Variants in NRXN1 observed in about 807,000 individuals in gnomAD.
NRXN1 encodes neurexin-1.
A neutral mutation model predicts 150.9 loss-of-function variants in NRXN1; 39 were observed. That is an observed-to-expected ratio of 0.26 (90% CI 0.20 to 0.34). The LOEUF (loss-of-function observed/expected upper bound fraction) is 0.34. Ranked by LOEUF, NRXN1 falls within the 10% of genes least tolerant of loss-of-function variation. The pLI is 1.00. For missense variants in NRXN1, 1,815 were observed against 1,949.9 expected (o/e 0.93, Z 1.30); for synonymous variants, 924 against 757.0 (o/e 1.22, Z -3.62).
At chr2:51,006,203 A>G (rs1318658447) in intron 2 of NRXN1, among the ~76,000 whole-genome samples, 1 of 151,590 alleles carries the variant, frequency 6.6e-6, no homozygotes. Context: ...TTTAAGACCT[A>G]CCTATGCAGC....
intron 8 of NRXN1, among the ~76,000 whole-genome samples, chr2:50,617,225 G>A (rs1679204245): frequency 6.6e-6 from 1 of 152,088 alleles, no homozygotes; most frequent in Non-Finnish European, 1.5e-5. Context: ...CTTGAGGTCA[G>A]TAGTTCAAGA....
intron 22 of NRXN1, 50 bp downstream of exon 22, chr2:49,943,654 A>C (rs1453153101): frequency 7.9e-7 from 1 of 1,271,326 alleles, no homozygotes; most frequent in East Asian, 2.4e-5. Flanking sequence ...TATAACATGC[A>C]ACAAAGATTT....
chr2:50,508,555 T>C (rs1305735078), intron 12 of NRXN1, among the ~76,000 whole-genome samples: 1 of 152,182 alleles, frequency 6.6e-6, no homozygotes, highest in East Asian at 1.9e-4. Flanking sequence ...TAGAGCTATT[T>C]TTATAGGGAA....
Position 49,974,305 on chromosome 2 carries a change from A to G in NRXN1, c.4129-30514T>C, listed in dbSNP as rs373770200. The G allele has an allele frequency of 1.4e-3, 702 of 512,058 alleles. 12 individuals are homozygous for G. The highest frequency in any genetic ancestry group is 0.012 in the South Asian group (622 of 51,886). The allele number at this position is 512,058 out of a possible 1,614,324, so 31.7% of individuals were successfully genotyped here. The stretch of plus-strand genomic sequence containing the variant: ...GCAGTTGACGAGGCTGTTGGTACAC[A>G]GCCCAGCCCGGCACCACTCAAAAAG... On this transcript the variant is annotated intron_variant, in intron 21 of 22. Transcript: ENST00000401669.
chr2:50,600,592 TG>T (rs1676099570), intron 8 of NRXN1, among the ~76,000 whole-genome samples: 2 of 152,172 alleles, frequency 1.3e-5, no homozygotes. Flanking sequence ...CCCAAAGTGC[TG>T]GGATTACAGG....
chr2:50,886,842 A>C (rs1680323309), intron 5 of NRXN1, among the ~76,000 whole-genome samples: 1 of 151,336 alleles, frequency 6.6e-6, no homozygotes, highest in African/African-American at 2.4e-5. Context: ...GAGAGCCCAA[A>C]GTCTAGAATA....
chr2:50,759,362 T>G (rs899272607), intron 5 of NRXN1, among the ~76,000 whole-genome samples: 5 of 151,880 alleles, frequency 3.3e-5, no homozygotes, highest in Non-Finnish European at 7.4e-5. Context: ...AATATGTTCT[T>G]AAAAAGCCAT....
At chr2:50,298,929 C>A (rs905613162) in intron 17 of NRXN1, among the ~76,000 whole-genome samples, 39 of 152,110 alleles carry the variant, frequency 2.6e-4, no homozygotes, top group Admixed American at 1.1e-3. Flanking sequence ...ATGCTCTCTG[C>A]GGATAGCCTG....
intron 17 of NRXN1, among the ~76,000 whole-genome samples, chr2:50,269,863 C>T (rs1456485844): frequency 6.6e-6 from 1 of 152,156 alleles, no homozygotes; most frequent in Non-Finnish European, 1.5e-5. Flanking sequence ...AGACTCGTTC[C>T]TTAAATTTTA....
At chr2:50,851,321 A>G (rs1674489050) in intron 5 of NRXN1, among the ~76,000 whole-genome samples, 1 of 152,154 alleles carries the variant, frequency 6.6e-6, no homozygotes, top group Non-Finnish European at 1.5e-5. Context: ...AAACAGAGAA[A>G]TGAGGTGATT....
chr2:50,985,177 C>A (rs1386126416), intron 2 of NRXN1, among the ~76,000 whole-genome samples: 1 of 151,776 alleles, frequency 6.6e-6, no homozygotes, highest in Non-Finnish European at 1.5e-5. Context: ...TTCACATGGA[C>A]AAAAATGCTG....
chr2:50,011,641 G>A (rs1339865522), intron 21 of NRXN1, among the ~76,000 whole-genome samples: 1 of 151,978 alleles, frequency 6.6e-6, no homozygotes, highest in East Asian at 1.9e-4. Flanking sequence ...ATCAGAGGCT[G>A]GTCAAGTTGC....
chr2:50,015,783 C>T (rs1326245451), intron 21 of NRXN1, among the ~76,000 whole-genome samples: 2 of 152,114 alleles, frequency 1.3e-5, no homozygotes, highest in African/African-American at 4.8e-5. Flanking sequence ...TGAAAGCACA[C>T]TGACAGCCAA....
intron 5 of NRXN1, among the ~76,000 whole-genome samples, chr2:50,653,697 G>A (rs990774215): frequency 3.9e-5 from 6 of 151,970 alleles, no homozygotes; most frequent in South Asian, 2.1e-4. Flanking sequence ...ATATAATTGC[G>A]TGAAGTATTA....
At chr2:50,490,701 C>G (rs949124803) in intron 15 of NRXN1, among the ~76,000 whole-genome samples, 8 of 152,092 alleles carry the variant, frequency 5.3e-5, no homozygotes, top group Admixed American at 6.5e-5. Context: ...CAGAATAGAG[C>G]GAGGGTGGCT....
intron 18 of NRXN1, among the ~76,000 whole-genome samples, chr2:50,153,685 T>C (rs1463217079): frequency 6.6e-6 from 1 of 151,748 alleles, no homozygotes. Flanking sequence ...CTTTATTTTC[T>C]GGCTCCAAAA....
At chr2:50,324,268 A>C (rs2076238919) in intron 17 of NRXN1, among the ~76,000 whole-genome samples, 2 of 152,230 alleles carry the variant, frequency 1.3e-5, no homozygotes, top group Non-Finnish European at 2.9e-5. Flanking sequence ...CAAAATCAGC[A>C]GTTAGGCAAC....
intron 8 of NRXN1, among the ~76,000 whole-genome samples, chr2:50,582,016 C>T (rs1672346287): frequency 6.6e-6 from 1 of 152,046 alleles, no homozygotes; most frequent in Non-Finnish European, 1.5e-5. Flanking sequence ...GCTTTTCTGA[C>T]ATAAATAGTC....
At chr2:50,981,649 T>C (rs534559728) in intron 2 of NRXN1, among the ~76,000 whole-genome samples, 2 of 151,902 alleles carry the variant, frequency 1.3e-5, no homozygotes, top group Non-Finnish European at 2.9e-5. Flanking sequence ...AAAAGAACAG[T>C]CTGCTAAAAG....
Sources: gnomAD v4.1 joint callset for allele counts (sites outside exome capture counted in the v4.1 genomes callset) on GRCh38, gnomAD v4.1.1 for gene constraint, MANE v1.5 for transcripts, NCBI Gene and HGNC (gene_info 2026-07-23, HGNC 2026-07-21) for gene names.